Variants in MYO1D observed in about 807,000 individuals in gnomAD.
The protein encoded by MYO1D is unconventional myosin-Id.
MYO1D carries 83 observed loss-of-function variants against 122.0 expected under a neutral mutation model. The ratio of observed to expected loss-of-function variants is 0.68; its 90% CI spans 0.57 to 0.82. MYO1D has a LOEUF of 0.82. MYO1D is among the 40% of genes least tolerant of loss of function. The pLI is 0.00. For synonymous variants in MYO1D, 464 were observed against 446.9 expected (o/e 1.04, Z -0.48); for missense variants, 1,157 against 1,269.5 (o/e 0.91, Z 1.35).
chr17:32,726,200 G>A (rs570272435), intron 14 of MYO1D, among the ~76,000 whole-genome samples: 14 of 152,158 alleles, frequency 9.2e-5, no homozygotes, highest in African/African-American at 3.1e-4. Flanking sequence ...GGGCAGATAA[G>A]TTGAGGTCAG....
At chr17:32,819,496 C>T (rs998365019) in intron 1 of MYO1D, among the ~76,000 whole-genome samples, 5 of 152,296 alleles carry the variant, frequency 3.3e-5, no homozygotes, top group Middle Eastern at 3.4e-3. Flanking sequence ...GGCCTCCTCT[C>T]CATCATTCTC....
intron 21 of MYO1D, among the ~76,000 whole-genome samples, chr17:32,578,754 G>A (rs918419844): frequency 6.6e-6 from 1 of 152,186 alleles, no homozygotes; most frequent in Admixed American, 6.6e-5. Context: ...ATTTGACCTT[G>A]TTGTCTTCTT....
chr17:32,778,847 G>C (rs1173621896), intron 2 of MYO1D, among the ~76,000 whole-genome samples: 3 of 152,078 alleles, frequency 2.0e-5, no homozygotes. Context: ...AAAAGGTACT[G>C]ATGTGGTAAA....
intron 16 of MYO1D, among the ~76,000 whole-genome samples, chr17:32,661,644 A>G (rs545357403): frequency 7.7e-6 from 1 of 129,364 alleles, no homozygotes; most frequent in African/African-American, 3.0e-5. Context: ...GATGGAAGTG[A>G]GACCCTGTCC....
chr17:32,732,859 C>A (rs562627388), intron 14 of MYO1D, among the ~76,000 whole-genome samples: 1 of 152,336 alleles, frequency 6.6e-6, no homozygotes, highest in African/African-American at 2.4e-5. Flanking sequence ...AGGAGCTCCC[C>A]AAGCCAGGGC....
rs542008851 is a variant in MYO1D, at chr17:32,769,983, G to T, written c.714+1142C>A. ...ACATTCCCAGTCACTGGCTTTCCAG[G>T]TGTTGATTTCACAATTCTTTAAGTG... On this transcript the variant is annotated intron_variant, in intron 6 of 21. Transcript: ENST00000318217. 2.2e-4 allele frequency among the ~76,000 whole-genome samples: 33 copies of T among 152,304 alleles called. No homozygotes were observed. The East Asian group carries it at 3.3e-3, about 15-fold the overall frequency.
rs562638174 is a variant in MYO1D at position 32,860,838 on chromosome 17, T to C, written c.95+15940A>G. On this transcript the variant is annotated intron_variant, in intron 1 of 21. Coordinates refer to ENST00000318217, the MANE Select transcript of MYO1D (RefSeq NM_015194.3). ...GAACCTCAAGATTCCCTTCCGGCAT[T>C]AAAATTCTATGACTCAAGAGACTTC... is the stretch of plus-strand genomic sequence containing the variant. Among the ~76,000 whole-genome samples the C allele has an allele frequency of 2.6e-5, 4 of 152,312 alleles. No individual in the cohort carries two copies. In the South Asian group the frequency reaches 8.3e-4, roughly 32 times the overall value.
At chr17:32,739,779 C>T (rs1359664378) in intron 13 of MYO1D, among the ~76,000 whole-genome samples, 2 of 152,150 alleles carry the variant, frequency 1.3e-5, no homozygotes, top group African/African-American at 4.8e-5. Flanking sequence ...CCCCAAAGCA[C>T]TCAGAATATT....
chr17:32,532,651 G>A (rs1328306723), intron 21 of MYO1D, among the ~76,000 whole-genome samples: 1 of 151,430 alleles, frequency 6.6e-6, no homozygotes, highest in Non-Finnish European at 1.5e-5. Context: ...GCGTGAACCT[G>A]GGAGGCGGAG....
At chr17:32,509,189 G>A (rs952827155) in intron 21 of MYO1D, among the ~76,000 whole-genome samples, 6 of 152,206 alleles carry the variant, frequency 3.9e-5, no homozygotes, top group South Asian at 4.1e-4. Flanking sequence ...ATCCTGCTCC[G>A]TGTAAGGGGC....
At chr17:32,721,620 G>A (rs9907817) in intron 14 of MYO1D, among the ~76,000 whole-genome samples, 5,599 of 152,170 alleles carry the variant, frequency 0.037, 338 homozygotes, top group African/African-American at 0.13. Context: ...TGATAGGGAC[G>A]GACAGCTCTG....
At chr17:32,794,091 G>C (rs537378942) in intron 1 of MYO1D, 1 of 152,196 alleles carries the variant, frequency 6.6e-6, no homozygotes, top group African/African-American at 2.4e-5. Context: ...CTAGCACAGC[G>C]AACGGTGATC....
At chr17:32,561,718 A>G (rs2087128235) in intron 21 of MYO1D, among the ~76,000 whole-genome samples, 2 of 151,102 alleles carry the variant, frequency 1.3e-5, no homozygotes, top group South Asian at 4.2e-4. Context: ...GAAAACTTGG[A>G]AAGTGACAAA....
intron 14 of MYO1D, among the ~76,000 whole-genome samples, chr17:32,731,283 A>G (rs2089636284): frequency 6.6e-6 from 1 of 152,012 alleles, no homozygotes; most frequent in African/African-American, 2.4e-5. Flanking sequence ...TCTTATTTTC[A>G]TTTCACTACT....
chr17:32,789,530 C>T (rs75729824), intron 1 of MYO1D, among the ~76,000 whole-genome samples: 5,405 of 152,278 alleles, frequency 0.035, 307 homozygotes, highest in African/African-American at 0.12. Context: ...AAACACACAT[C>T]ATTACTGTCA....
At chr17:32,526,112 C>T (rs1204116857) in intron 21 of MYO1D, among the ~76,000 whole-genome samples, 3 of 152,186 alleles carry the variant, frequency 2.0e-5, no homozygotes, top group Non-Finnish European at 4.4e-5. Flanking sequence ...GCCCCTTTGA[C>T]GTATATCCCC....
intron 1 of MYO1D, among the ~76,000 whole-genome samples, chr17:32,832,853 CT>C (rs2090785825): frequency 6.6e-6 from 1 of 152,184 alleles, no homozygotes; most frequent in Non-Finnish European, 1.5e-5. Context: ...GAACTTTTAA[CT>C]TTGGTACAAG....
chr17:32,703,072 G>A (rs2089267597), intron 16 of MYO1D, among the ~76,000 whole-genome samples: 1 of 152,168 alleles, frequency 6.6e-6, no homozygotes, highest in Non-Finnish European at 1.5e-5. Flanking sequence ...TATATGTTTA[G>A]TAGCCTTCAG....
At chr17:32,836,820 GT>G (rs2090829444) in intron 1 of MYO1D, among the ~76,000 whole-genome samples, 1 of 152,042 alleles carries the variant, frequency 6.6e-6, no homozygotes, top group Non-Finnish European at 1.5e-5. Flanking sequence ...ATTATTTTCA[GT>G]TTTGGTTTAG....
Sources: gnomAD v4.1 joint callset for allele counts (sites outside exome capture counted in the v4.1 genomes callset) on GRCh38, gnomAD v4.1.1 for gene constraint, MANE v1.5 for transcripts, NCBI Gene and HGNC (gene_info 2026-07-23, HGNC 2026-07-21) for gene names.